LAMA2: variants seen among roughly 807,000 people sequenced by gnomAD.
The protein encoded by LAMA2 is laminin subunit alpha-2.
In LAMA2, 269 loss-of-function variants were observed where a neutral mutation model predicts 364.8. The observed-to-expected ratio is 0.74, with a 90% confidence interval of 0.67 to 0.82. The LOEUF (loss-of-function observed/expected upper bound fraction) is 0.82, where lower values mean the gene tolerates loss of function less well. Among genes scored for constraint, LAMA2 ranks in the 40% least tolerant of loss-of-function variants. The pLI is 0.00. For synonymous variants in LAMA2, 1,379 were observed against 1,370.6 expected (o/e 1.01, Z -0.14); for missense variants, 3,807 against 3,873.2 (o/e 0.98, Z 0.45).
At chr6:129,006,550 C>T (rs1288102498) in intron 1 of LAMA2, among the ~76,000 whole-genome samples, 1 of 152,118 alleles carries the variant, frequency 6.6e-6, no homozygotes, top group African/African-American at 2.4e-5. Flanking sequence ...CACTCAGCCA[C>T]CAACTCCTGC....
intron 12 of LAMA2, among the ~76,000 whole-genome samples, chr6:129,224,400 G>C (rs556894091): frequency 1.3e-5 from 2 of 152,292 alleles, no homozygotes; most frequent in Non-Finnish European, 2.9e-5. Flanking sequence ...GGAGTGGTGA[G>C]AGAGGGCATC....
At chr6:129,321,743 A>G (rs892212458) in intron 28 of LAMA2, among the ~76,000 whole-genome samples, 3 of 152,238 alleles carry the variant, frequency 2.0e-5, no homozygotes, top group African/African-American at 7.2e-5. Flanking sequence ...AAATAATTTT[A>G]TACATCTTAT....
chr6:129,242,954 A>C (rs940878908), intron 12 of LAMA2, among the ~76,000 whole-genome samples: 1 of 152,088 alleles, frequency 6.6e-6, no homozygotes, highest in African/African-American at 2.4e-5. Context: ...CTTCTATGTG[A>C]TGTTTTGCAA....
At chr6:129,145,710 T>C (rs1778392337) in intron 5 of LAMA2, among the ~76,000 whole-genome samples, 1 of 151,960 alleles carries the variant, frequency 6.6e-6, no homozygotes, top group South Asian at 2.1e-4. Context: ...TAAGTCAACA[T>C]ATAAATATGT....
intron 40 of LAMA2, among the ~76,000 whole-genome samples, chr6:129,427,241 C>T (rs1201150311): frequency 6.6e-6 from 1 of 152,124 alleles, no homozygotes; most frequent in African/African-American, 2.4e-5. Context: ...AGTGTTCTTT[C>T]TCATTTCAGC....
chr6:129,406,042 A>T (rs1000757152), intron 40 of LAMA2, among the ~76,000 whole-genome samples: 3 of 152,168 alleles, frequency 2.0e-5, no homozygotes, highest in Non-Finnish European at 2.9e-5. Flanking sequence ...ACCAACGACC[A>T]CTATGAAGAA....
intron 45 of LAMA2, among the ~76,000 whole-genome samples, 173 bp from the exon 46 acceptor site, chr6:129,452,815 G>A (rs958454423): frequency 6.6e-6 from 1 of 152,148 alleles, no homozygotes; most frequent in Admixed American, 6.5e-5. Flanking sequence ...CTGCTCTTCT[G>A]TGCCCTCATT....
chr6:129,422,342 A>T (rs1781117448), intron 40 of LAMA2, among the ~76,000 whole-genome samples: 1 of 152,136 alleles, frequency 6.6e-6, no homozygotes, highest in Non-Finnish European at 1.5e-5. Context: ...AAATGCAAGA[A>T]GATAGAAAAT....
intron 4 of LAMA2, among the ~76,000 whole-genome samples, chr6:129,118,792 A>G (rs1327862962): frequency 6.6e-6 from 1 of 152,158 alleles, no homozygotes; most frequent in East Asian, 1.9e-4. Context: ...AAAGTGTGTT[A>G]TTGTTTTTAA....
In LAMA2 at chr6:129,453,049, A is replaced by C. The variant is rs775108859; in HGVS notation, c.6491A>C (p.Lys2164Thr). The C allele has an allele frequency of 1.2e-6, 2 of 1,612,962 alleles. No individual in the cohort carries two copies. The highest frequency in any genetic ancestry group is 1.7e-6 in the Non-Finnish European group (2 of 1,179,304). The change falls in exon 46 of 65, where the codon AAA (lysine) becomes ACA (threonine). Residue 2164 changes from lysine to threonine, a missense_variant. By Grantham distance (78) the Lys-to-Thr change is moderately conservative. This residue lies in a region of LAMA2 where 3,333 missense variants were observed against 3,345.7 expected (regional missense o/e 1.00). Transcript: ENST00000421865. ...CGAACATACAAACCAGAAATCAAGA[A>C]AGGAAGTTACAATAATATTGTTGTC... ...CIRTYKPEIK[K>T]GSYNNIVVNV...
rs748126149 is a variant in LAMA2 at position 129,512,411 on chromosome 6, G to A, written c.8906G>A (p.Arg2969His). The change falls in exon 63 of 65, where the codon CGC (arginine) becomes CAC (histidine). Residue 2969 changes from arginine (R) to histidine (H), a missense_variant. Arg to His is a conservative substitution (Grantham distance 29, BLOSUM62 0). This residue lies in a region of LAMA2 where 3,333 missense variants were observed against 3,345.7 expected (regional missense o/e 1.00). Transcript: ENST00000421865. Reference sequence around the variant, plus strand: ...GACCTTCTTGTAGAATTTGAATTCCGCACAACTACAACGACTGGAGTTCTT... The same window carrying A: ...GACCTTCTTGTAGAATTTGAATTCCACACAACTACAACGACTGGAGTTCTT... ...GLDLLVEFEF[R>H]TTTTTGVLLG... 1.1e-5 allele frequency: 18 copies of A among 1,613,082 alleles called. No homozygotes were observed. Among genetic ancestry groups the A allele is most frequent in the East Asian group, 6.7e-5 (3 of 44,864 alleles).
intron 1 of LAMA2, among the ~76,000 whole-genome samples, chr6:129,032,390 A>T (rs749620600): frequency 7.9e-5 from 12 of 152,224 alleles, no homozygotes; most frequent in Non-Finnish European, 1.3e-4. Context: ...GGAGGAAATA[A>T]GACAAGGAAG....
intron 12 of LAMA2, among the ~76,000 whole-genome samples, chr6:129,213,350 G>C (rs372608): frequency 6.6e-6 from 1 of 152,122 alleles, no homozygotes; most frequent in African/African-American, 2.4e-5. Flanking sequence ...TATGTGATAA[G>C]TCTTGTGTGG....
At chr6:129,492,284 T>TA (rs142431635) in intron 57 of LAMA2, 31 bp from the exon 58 acceptor site, 35,103 of 1,605,806 alleles carry the variant, frequency 0.022, 444 homozygotes, top group Middle Eastern at 0.026. Context: ...AAAACGAAAA[T>TA]AAAAAAATCT....
intron 1 of LAMA2, among the ~76,000 whole-genome samples, chr6:128,967,200 G>A (rs941162836): frequency 2.0e-5 from 3 of 152,144 alleles, no homozygotes; most frequent in African/African-American, 7.2e-5. Context: ...GCCCAGCAGG[G>A]TTTGTTCAAC....
chr6:128,900,398 G>C (rs892179238), intron 1 of LAMA2, among the ~76,000 whole-genome samples: 1 of 152,152 alleles, frequency 6.6e-6, no homozygotes, highest in East Asian at 1.9e-4. Flanking sequence ...ATAGCACAGT[G>C]CCTGGCACCT....
Position 129,280,051 on chromosome 6 carries a change from A to G in LAMA2, c.2451-10A>G, listed in dbSNP as rs2114390716. The G allele has an allele frequency of 1.9e-6, 3 of 1,601,052 alleles. No homozygotes were observed. The highest frequency in any genetic ancestry group is 2.6e-6 in the Non-Finnish European group (3 of 1,168,328). On this transcript the variant is annotated splice_polypyrimidine_tract_variant and intron_variant, in intron 17 of 64. Transcript: ENST00000421865. ...CCTTGTCCCTGTTTTCCGCAACAAC[A>G]TCAACATAGCTTTAGCCCAACGTGC...
intron 1 of LAMA2, among the ~76,000 whole-genome samples, chr6:128,968,940 A>C (rs1172698196): frequency 6.6e-6 from 1 of 152,164 alleles, no homozygotes; most frequent in East Asian, 1.9e-4. Context: ...CACTCTGCCT[A>C]CTCTCTGAGA....
chr6:129,025,667 T>G (rs1182775504), intron 1 of LAMA2, among the ~76,000 whole-genome samples: 1 of 152,112 alleles, frequency 6.6e-6, no homozygotes, highest in Admixed American at 6.5e-5. Flanking sequence ...ATGTGCAAAA[T>G]CATGCATTTT....
Sources: gnomAD v4.1 joint callset for allele counts (sites outside exome capture counted in the v4.1 genomes callset) on GRCh38, gnomAD v4.1.1 for gene constraint, gnomAD v4.1.1 regional missense constraint, MANE v1.5 for transcripts, NCBI Gene and HGNC (gene_info 2026-07-23, HGNC 2026-07-21) for gene names.